RBMS3: variants seen among roughly 807,000 people sequenced by gnomAD.
The protein encoded by RBMS3 is RNA binding motif single stranded interacting protein 3, also known as RNA-binding motif, single-stranded-interacting protein 3.
A neutral mutation model predicts 66.8 loss-of-function variants in RBMS3; 27 were observed. That is an observed-to-expected ratio of 0.40 (90% CI 0.30 to 0.56). The LOEUF (loss-of-function observed/expected upper bound fraction) is 0.56, where lower values mean the gene tolerates loss of function less well. Ranked by LOEUF, RBMS3 falls within the 20% of genes least tolerant of loss-of-function variation. RBMS3 has a pLI of 0.40. For synonymous variants in RBMS3, 188 were observed against 183.0 expected, an observed-to-expected ratio of 1.03 and a Z score of -0.22; for missense variants, 513 against 549.5, an observed-to-expected ratio of 0.93 and a Z score of 0.66.
intron 12 of RBMS3, among the ~76,000 whole-genome samples, chr3:29,965,414 G>A (rs886470090): frequency 4.6e-5 from 7 of 151,854 alleles, no homozygotes; most frequent in African/African-American, 1.7e-4. Context: ...TTTGATTATG[G>A]CCATTCTTGC....
At chr3:29,500,345 G>T (rs1324694430) in intron 3 of RBMS3, among the ~76,000 whole-genome samples, 1 of 150,494 alleles carries the variant, frequency 6.6e-6, no homozygotes, top group Non-Finnish European at 1.5e-5. Flanking sequence ...ATAGAAAATA[G>T]AAATTTTCTC....
chr3:29,536,299 T>C (rs946208179), intron 3 of RBMS3, among the ~76,000 whole-genome samples: 1 of 152,204 alleles, frequency 6.6e-6, no homozygotes, highest in Admixed American at 6.5e-5. Context: ...TGTATGTGCA[T>C]GTGACTATTT....
At chr3:29,679,654 A>G (rs1576505606) in intron 4 of RBMS3, among the ~76,000 whole-genome samples, 1 of 151,360 alleles carries the variant, frequency 6.6e-6, no homozygotes, top group Non-Finnish European at 1.5e-5. Flanking sequence ...ATATCATCCT[A>G]CTCCTTTGGA....
At chr3:29,584,659 CCAAA>C (rs1202633784) in intron 3 of RBMS3, among the ~76,000 whole-genome samples, 1 of 152,084 alleles carries the variant, frequency 6.6e-6, no homozygotes, top group African/African-American at 2.4e-5. Context: ...ACAAAACCAA[CCAAA>C]CAAACAAAAC....
intron 6 of RBMS3, among the ~76,000 whole-genome samples, chr3:29,801,641 A>G (rs1170292242): frequency 6.6e-6 from 1 of 152,144 alleles, no homozygotes; most frequent in East Asian, 1.9e-4. Flanking sequence ...TTCCTCATTT[A>G]TGAGCTAAGT....
At chr3:29,388,644 G>C (rs755445688) in intron 1 of RBMS3, among the ~76,000 whole-genome samples, 4 of 152,096 alleles carry the variant, frequency 2.6e-5, no homozygotes, top group African/African-American at 7.2e-5. Context: ...GCGCGATCTC[G>C]GCTCACTGCC....
At chr3:29,699,457 T>A (rs184708869) in intron 4 of RBMS3, among the ~76,000 whole-genome samples, 1 of 152,302 alleles carries the variant, frequency 6.6e-6, no homozygotes, top group East Asian at 1.9e-4. Flanking sequence ...TGTGGAGCTA[T>A]TTTCTAATGG....
intron 11 of RBMS3, among the ~76,000 whole-genome samples, chr3:29,941,690 C>T (rs549379130): frequency 5.3e-5 from 8 of 151,360 alleles, no homozygotes; most frequent in South Asian, 4.2e-4. Flanking sequence ...AATAAATTAC[C>T]GACATAGTAA....
At chr3:29,360,146 C>T (rs2037483237) in intron 1 of RBMS3, among the ~76,000 whole-genome samples, 2 of 152,028 alleles carry the variant, frequency 1.3e-5, no homozygotes, top group South Asian at 2.1e-4. Flanking sequence ...GTTAGGGTGT[C>T]AATTTTAGAT....
intron 11 of RBMS3, among the ~76,000 whole-genome samples, chr3:29,941,163 T>G (rs9858736): frequency 0.83 from 125,904 of 151,750 alleles, 53,081 homozygotes; most frequent in East Asian, 0.95. Flanking sequence ...ATATCATCGA[T>G]TTCCACAGTG....
chr3:29,691,507 G>C (rs1473243083), intron 4 of RBMS3, among the ~76,000 whole-genome samples: 1 of 152,100 alleles, frequency 6.6e-6, no homozygotes, highest in East Asian at 1.9e-4. Flanking sequence ...CAATAAAGTG[G>C]TTCTTTGTAA....
In RBMS3 at chr3:29,921,225, G is replaced by A. The variant is rs534934795; in HGVS notation, c.940-14861G>A. On this transcript the variant is annotated intron_variant, in intron 10 of 14. Transcript: ENST00000383767. The stretch of plus-strand genomic sequence containing the variant: ...TTACAGGCGCCCGCCACCACGCCTG[G>A]CTAATTTTTTGTTTTTTTAATAGAG... 3.2e-4 allele frequency among the ~76,000 whole-genome samples: 48 copies of A among 151,872 alleles called. 1 individual carries two copies. Among genetic ancestry groups the A allele is most frequent in the Non-Finnish European group, 4.0e-4 (27 of 67,950 alleles).
intron 5 of RBMS3, among the ~76,000 whole-genome samples, chr3:29,744,947 T>G (rs1305915044): frequency 1.3e-5 from 2 of 152,208 alleles, no homozygotes. Context: ...TATTGGTGAC[T>G]TCTAACCATC....
At chr3:29,417,655 CA>C (rs1284367849) in intron 1 of RBMS3, among the ~76,000 whole-genome samples, 1 of 151,956 alleles carries the variant, frequency 6.6e-6, no homozygotes, top group Non-Finnish European at 1.5e-5. Context: ...AAAACTGTTT[CA>C]AAACAGAGAT....
At chr3:29,748,046 C>T (rs957396330) in intron 5 of RBMS3, among the ~76,000 whole-genome samples, 3 of 152,116 alleles carry the variant, frequency 2.0e-5, no homozygotes, top group African/African-American at 7.2e-5. Flanking sequence ...ACACCCCAAA[C>T]ATAGGGGTGT....
chr3:29,646,011 A>G (rs990975225), intron 4 of RBMS3, among the ~76,000 whole-genome samples: 4 of 152,178 alleles, frequency 2.6e-5, no homozygotes, highest in African/African-American at 9.7e-5. Flanking sequence ...ATGCATTGGT[A>G]TTTTATATTG....
At chr3:29,385,556 C>G (rs145204582) in intron 1 of RBMS3, among the ~76,000 whole-genome samples, 3 of 152,238 alleles carry the variant, frequency 2.0e-5, no homozygotes, top group East Asian at 1.9e-4. Flanking sequence ...TCAGATCATT[C>G]TCATTCCATC....
Position 29,830,467 on chromosome 3 carries a change from C to T in RBMS3, c.638-38391C>T, listed in dbSNP as rs193090736. Among the ~76,000 whole-genome samples the T allele has an allele frequency of 9.9e-5, 15 of 152,090 alleles. No individual in the cohort carries two copies. In the East Asian group the frequency reaches 2.7e-3, roughly 27 times the overall value. On this transcript the variant is annotated intron_variant, in intron 6 of 14. Coordinates refer to ENST00000383767, the MANE Select transcript of RBMS3 (RefSeq NM_001003793.3). ...GTTGCAGGGCAGGCTGTTACCAGCACGGTAAAACAAAAGAAAGAAATCTCA... is the reference window on the plus strand; with the variant it reads ...GTTGCAGGGCAGGCTGTTACCAGCATGGTAAAACAAAAGAAAGAAATCTCA...
chr3:29,774,579 G>C (rs184759883), intron 6 of RBMS3, among the ~76,000 whole-genome samples: 41 of 152,178 alleles, frequency 2.7e-4, no homozygotes, highest in African/African-American at 9.6e-4. Context: ...GATACAAAGG[G>C]TGTTACAGAG....
Sources: gnomAD v4.1 joint callset for allele counts (sites outside exome capture counted in the v4.1 genomes callset) on GRCh38, gnomAD v4.1.1 for gene constraint, MANE v1.5 for transcripts, NCBI Gene and HGNC (gene_info 2026-07-23, HGNC 2026-07-21) for gene names.